Variants in DPP10 observed in about 807,000 individuals in gnomAD.
The protein encoded by DPP10 is inactive dipeptidyl peptidase 10.
Under a neutral mutation model 120.9 loss-of-function variants are expected in DPP10, and 33 were observed. That is an observed-to-expected ratio of 0.27 (90% CI 0.21 to 0.37). The LOEUF (loss-of-function observed/expected upper bound fraction) is 0.37, where lower values mean the gene tolerates loss of function less well. Among genes scored for constraint, DPP10 ranks in the 10% least tolerant of loss-of-function variants. DPP10 has a pLI of 1.00. For synonymous variants in DPP10, 337 were observed against 326.1 expected (o/e 1.03, Z -0.36); for missense variants, 816 against 942.8 (o/e 0.87, Z 1.76).
chr2:114,775,108 A>T (rs1212287096), intron 1 of DPP10, among the ~76,000 whole-genome samples: 1 of 152,134 alleles, frequency 6.6e-6, no homozygotes, highest in Non-Finnish European at 1.5e-5. Flanking sequence ...ATACAGTGTT[A>T]CAACAAGAGC....
intron 1 of DPP10, among the ~76,000 whole-genome samples, chr2:114,928,101 C>A (rs925588927): frequency 6.6e-6 from 1 of 152,148 alleles, no homozygotes; most frequent in African/African-American, 2.4e-5. Context: ...GACAAACATC[C>A]AAACTACAGC....
At chr2:115,042,196 G>C (rs951239558) in intron 1 of DPP10, among the ~76,000 whole-genome samples, 6 of 152,024 alleles carry the variant, frequency 3.9e-5, no homozygotes, top group Admixed American at 2.6e-4. Flanking sequence ...TTTAAATTAT[G>C]CAATACAAGT....
chr2:115,490,644 T>G (rs2076056704), intron 3 of DPP10, among the ~76,000 whole-genome samples: 1 of 152,206 alleles, frequency 6.6e-6, no homozygotes, highest in Admixed American at 6.6e-5. Flanking sequence ...TAAAGTATTT[T>G]ACAAAGTTTA....
intron 1 of DPP10, among the ~76,000 whole-genome samples, chr2:114,497,086 T>C (rs544254536): frequency 1.3e-5 from 2 of 150,036 alleles, no homozygotes; most frequent in East Asian, 2.0e-4. Context: ...CATATACATG[T>C]ACATGTACAT....
chr2:114,496,651 G>A (rs1169137144), intron 1 of DPP10, among the ~76,000 whole-genome samples: 1 of 152,020 alleles, frequency 6.6e-6, no homozygotes, highest in Non-Finnish European at 1.5e-5. Flanking sequence ...ACCTTGGAGG[G>A]TTTTGAACAT....
intron 1 of DPP10, among the ~76,000 whole-genome samples, chr2:114,482,603 G>C (rs1196858423): frequency 6.6e-6 from 1 of 152,126 alleles, no homozygotes; most frequent in Non-Finnish European, 1.5e-5. Flanking sequence ...AACAGAGGTA[G>C]ACTGAAGATA....
chr2:114,460,153 G>A (rs934673647), intron 1 of DPP10, among the ~76,000 whole-genome samples: 4 of 150,952 alleles, frequency 2.6e-5, no homozygotes, highest in African/African-American at 4.9e-5. Flanking sequence ...CATAGCAACC[G>A]AATGCATTTG....
chr2:115,245,029 C>T (rs1044065496), intron 1 of DPP10, among the ~76,000 whole-genome samples: 2 of 151,982 alleles, frequency 1.3e-5, no homozygotes, highest in East Asian at 1.9e-4. Context: ...CAAAGTCCAT[C>T]GTATCATTCT....
At chr2:115,796,121 C>T (rs1480304988) in intron 19 of DPP10, among the ~76,000 whole-genome samples, 1 of 152,154 alleles carries the variant, frequency 6.6e-6, no homozygotes, top group African/African-American at 2.4e-5. Context: ...ATCAGCCACC[C>T]CCAAAGAGAA....
chr2:115,718,277 G>A (rs1002980195), intron 7 of DPP10, among the ~76,000 whole-genome samples: 1 of 151,870 alleles, frequency 6.6e-6, no homozygotes, highest in Non-Finnish European at 1.5e-5. Context: ...AGACAACCAT[G>A]AGAAGTATTA....
intron 5 of DPP10, among the ~76,000 whole-genome samples, chr2:115,584,231 T>C (rs2082159772): frequency 6.6e-6 from 1 of 152,220 alleles, no homozygotes; most frequent in Admixed American, 6.5e-5. Flanking sequence ...TCATCACTCT[T>C]ATAAATGGAA....
intron 1 of DPP10, among the ~76,000 whole-genome samples, chr2:114,762,487 C>T (rs911305204): frequency 1.3e-5 from 2 of 152,194 alleles, no homozygotes; most frequent in African/African-American, 4.8e-5. Flanking sequence ...TGGAAATATA[C>T]TTTGAAAAAA....
intron 3 of DPP10, among the ~76,000 whole-genome samples, chr2:115,380,983 A>G (rs1008727659): frequency 8.5e-5 from 13 of 152,052 alleles, no homozygotes; most frequent in Non-Finnish European, 1.8e-4. Flanking sequence ...GCTGCCCTTA[A>G]CATTTTTTCC....
chr2:114,714,087 G>A (rs948106616), intron 1 of DPP10, among the ~76,000 whole-genome samples: 1 of 151,684 alleles, frequency 6.6e-6, no homozygotes, highest in African/African-American at 2.4e-5. Context: ...GTGTGTGTGT[G>A]TGTGTGTGTG....
At chr2:114,629,482 A>T (rs1363103442) in intron 1 of DPP10, among the ~76,000 whole-genome samples, 1 of 152,248 alleles carries the variant, frequency 6.6e-6, no homozygotes, top group Non-Finnish European at 1.5e-5. Context: ...TTGGGTCGTT[A>T]ACGGGTAATG....
intron 1 of DPP10, among the ~76,000 whole-genome samples, chr2:115,000,531 C>T (rs1018303272): frequency 3.3e-5 from 5 of 151,920 alleles, no homozygotes; most frequent in African/African-American, 1.2e-4. Flanking sequence ...ACATTGGTTC[C>T]TTTTGTCATT....
chr2:115,279,218 G>A (rs2060039480), intron 1 of DPP10, among the ~76,000 whole-genome samples: 1 of 152,170 alleles, frequency 6.6e-6, no homozygotes, highest in Admixed American at 6.5e-5. Flanking sequence ...ATGGGAGGCT[G>A]ATGCAGTCTC....
rs921765472 is a variant in DPP10, at chr2:115,782,402, G to A, written c.1531+3G>A. 2.5e-5 allele frequency: 41 copies of A among 1,611,164 alleles called. No homozygotes were observed. Among genetic ancestry groups the A allele is most frequent in the Non-Finnish European group, 3.3e-5 (39 of 1,177,650 alleles). The stretch of plus-strand genomic sequence containing the variant: ...ACATAGTACGGACAACCCAGCAAGT[G>A]AGTACACAAGAAGACAATTAAGAAT... On this transcript the variant is annotated splice_donor_region_variant and intron_variant, in intron 17 of 25. Coordinates refer to ENST00000410059, the MANE Select transcript of DPP10 (RefSeq NM_020868.6).
intron 1 of DPP10, among the ~76,000 whole-genome samples, chr2:114,766,775 G>A (rs1052962258): frequency 6.6e-6 from 1 of 151,962 alleles, no homozygotes; most frequent in African/African-American, 2.4e-5. Flanking sequence ...TAGTTGCCAG[G>A]GGGGCAGAGA....
Sources: gnomAD v4.1 joint callset for allele counts (sites outside exome capture counted in the v4.1 genomes callset) on GRCh38, gnomAD v4.1.1 for gene constraint, MANE v1.5 for transcripts, NCBI Gene and HGNC (gene_info 2026-07-23, HGNC 2026-07-21) for gene names.